RYR2: variants seen among roughly 807,000 people sequenced by gnomAD.
RYR2 encodes the protein cardiac muscle ryanodine receptor-calcium release channel.
RYR2 carries 227 observed loss-of-function variants against 601.1 expected under a neutral mutation model. That is an observed-to-expected ratio of 0.38 (90% CI 0.34 to 0.42). The LOEUF is 0.42. Among genes scored for constraint, RYR2 ranks in the 10% least tolerant of loss-of-function variants. RYR2 has a pLI of 1.00. For missense variants in RYR2, 4,646 were observed against 6,156.5 expected (o/e 0.75, Z 8.21); for synonymous variants, 2,223 against 2,175.1 (o/e 1.02, Z -0.61).
At chr1:237,708,132 A>C (rs1688535861) in intron 68 of RYR2, among the ~76,000 whole-genome samples, 1 of 151,986 alleles carries the variant, frequency 6.6e-6, no homozygotes, top group South Asian at 2.1e-4. Flanking sequence ...GGAAATACTC[A>C]TATTATGAAG....
At chr1:237,374,869 A>G in intron 7 of RYR2, 74 bp downstream of exon 7, 2 of 1,104,778 alleles carry the variant, frequency 1.8e-6, no homozygotes, top group Non-Finnish European at 1.3e-6. Flanking sequence ...AAGCCGGGAA[A>G]TACGATACAT....
intron 87 of RYR2, among the ~76,000 whole-genome samples, chr1:237,774,336 C>G (rs1443309977): frequency 1.3e-5 from 2 of 152,042 alleles, no homozygotes; most frequent in African/African-American, 2.4e-5. Context: ...CTTTGTGAGA[C>G]TAAACATAAG....
intron 17 of RYR2, among the ~76,000 whole-genome samples, chr1:237,477,896 G>A (rs1661583954): frequency 6.6e-6 from 1 of 152,120 alleles, no homozygotes; most frequent in East Asian, 1.9e-4. Context: ...CTGCAGTATC[G>A]AGGCAGGGTG....
In RYR2 at chr1:237,808,543, C is replaced by T. The variant is rs1660898483; in HGVS notation, c.14299-358C>T. ...GGTGTGGTGGCGCATGCCTATAATC[C>T]CCACTACTCGGGAGGCTGAGGCAGG... On this transcript the variant is annotated intron_variant, in intron 99 of 104. Coordinates refer to ENST00000366574, the MANE Select transcript of RYR2 (RefSeq NM_001035.3). Among the ~76,000 whole-genome samples the T allele has an allele frequency of 2.0e-5, 3 of 151,760 alleles. No homozygotes were observed. The South Asian group carries it at 6.3e-4, about 32-fold the overall frequency.
At chr1:237,320,588 T>A (rs1193794935) in intron 2 of RYR2, among the ~76,000 whole-genome samples, 1 of 152,212 alleles carries the variant, frequency 6.6e-6, no homozygotes, top group African/African-American at 2.4e-5. Context: ...CAGTTCCATA[T>A]AACATTCCTT....
rs984963324 is a variant in RYR2 at position 237,796,426 on chromosome 1, G to A, written c.13956+1095G>A. Among the ~76,000 whole-genome samples, 10 of 152,128 alleles carry A rather than the reference G, an allele frequency of 6.6e-5. No individual in the cohort carries two copies. The South Asian group carries it at 8.3e-4, about 13-fold the overall frequency. On this transcript the variant is annotated intron_variant, in intron 96 of 104. Transcript: ENST00000366574. ...GGACACAGTCCCGAGAGAATCCCCCGGCTCAAATCAGCCCAGCCCATTTTT... is the reference window on the plus strand; with the variant it reads ...GGACACAGTCCCGAGAGAATCCCCCAGCTCAAATCAGCCCAGCCCATTTTT...
chr1:237,629,908 T>C (rs1235635353), intron 41 of RYR2, among the ~76,000 whole-genome samples: 1 of 152,094 alleles, frequency 6.6e-6, no homozygotes, highest in African/African-American at 2.4e-5. Context: ...AATATACTAA[T>C]GGGACAGAGA....
At chr1:237,323,677 G>C (rs563811716) in intron 2 of RYR2, among the ~76,000 whole-genome samples, 24 of 152,284 alleles carry the variant, frequency 1.6e-4, no homozygotes, top group Admixed American at 3.9e-4. Context: ...TTCATAATTA[G>C]CTGCTAAGTT....
chr1:237,326,386 G>A (rs991223207), intron 2 of RYR2, among the ~76,000 whole-genome samples: 1 of 152,102 alleles, frequency 6.6e-6, no homozygotes, highest in Non-Finnish European at 1.5e-5. Flanking sequence ...CATATGAAAA[G>A]TATTATTACC....
intron 74 of RYR2, among the ~76,000 whole-genome samples, chr1:237,725,928 A>G (rs1392822499): frequency 1.3e-5 from 2 of 152,110 alleles, no homozygotes; most frequent in African/African-American, 2.4e-5. Flanking sequence ...GGAAATTTAA[A>G]TTGAAGTATG....
chr1:237,545,405 C>T (rs1669691649), intron 25 of RYR2, among the ~76,000 whole-genome samples: 1 of 152,176 alleles, frequency 6.6e-6, no homozygotes, highest in South Asian at 2.1e-4. Flanking sequence ...AGTATCACTC[C>T]TCTTTGGGAA....
chr1:237,407,439 C>T (rs1704009273), intron 10 of RYR2, among the ~76,000 whole-genome samples: 1 of 152,120 alleles, frequency 6.6e-6, no homozygotes, highest in African/African-American at 2.4e-5. Flanking sequence ...TCCTCTCCAG[C>T]ATTTAATGTT....
intron 1 of RYR2, among the ~76,000 whole-genome samples, chr1:237,048,987 G>A (rs148169483): frequency 7.7e-4 from 118 of 152,310 alleles, no homozygotes; most frequent in African/African-American, 2.0e-3. Flanking sequence ...GATCTCTTCT[G>A]GAAGCAGAAG....
At chr1:237,361,468 A>G (rs1345287470) in intron 4 of RYR2, among the ~76,000 whole-genome samples, 3 of 152,200 alleles carry the variant, frequency 2.0e-5, no homozygotes, top group African/African-American at 7.2e-5. Context: ...TTTTGTGTAC[A>G]GAGTAGGGTA....
At chr1:237,071,563 G>A (rs995578823) in intron 1 of RYR2, among the ~76,000 whole-genome samples, 2 of 152,100 alleles carry the variant, frequency 1.3e-5, no homozygotes, top group South Asian at 2.1e-4. Flanking sequence ...GAGGAAGTGC[G>A]TGCTGATGGG....
At chr1:237,543,298 T>C (rs1309814832) in intron 25 of RYR2, among the ~76,000 whole-genome samples, 1 of 152,148 alleles carries the variant, frequency 6.6e-6, no homozygotes, top group Non-Finnish European at 1.5e-5. Context: ...GTAGGGCACA[T>C]CTTCATATTA....
intron 1 of RYR2, among the ~76,000 whole-genome samples, chr1:237,227,730 C>T (rs1684539424): frequency 6.6e-6 from 1 of 152,126 alleles, no homozygotes; most frequent in Admixed American, 6.5e-5. Context: ...CGGCGGCCTG[C>T]CCAGGGCGGG....
intron 80 of RYR2, 26 bp from the exon 81 acceptor site, chr1:237,756,262 C>T (rs768857139): frequency 1.5e-5 from 23 of 1,510,392 alleles, no homozygotes; most frequent in Non-Finnish European, 2.0e-5. Context: ...ATACCCTCAA[C>T]ATAAATGGTT....
chr1:237,492,123 C>T (rs1249686043), intron 18 of RYR2, among the ~76,000 whole-genome samples, 199 bp downstream of exon 18: 1 of 152,186 alleles, frequency 6.6e-6, no homozygotes, highest in Non-Finnish European at 1.5e-5. Flanking sequence ...ACCTCCGCCT[C>T]TAGGGTTCAA....
Sources: allele counts gnomAD v4.1 joint callset (sites outside exome capture counted in the v4.1 genomes callset), GRCh38; gene constraint gnomAD v4.1.1; transcripts MANE v1.5; gene names NCBI Gene and HGNC (gene_info 2026-07-23, HGNC 2026-07-21).